The following ESCO1 variants were observed in gnomAD, a reference collection of about 807,000 sequenced individuals.
ESCO1 encodes the protein N-acetyltransferase ESCO1.
ESCO1 carries 33 observed loss-of-function variants against 83.5 expected under a neutral mutation model. That is an observed-to-expected ratio of 0.40 (90% confidence interval 0.30 to 0.53). The LOEUF is 0.53. ESCO1 is among the 20% of genes least tolerant of loss of function. The pLI, the probability that ESCO1 is intolerant of heterozygous loss-of-function variation, is 0.63. For synonymous variants in ESCO1, 332 were observed against 324.3 expected (o/e 1.02, Z -0.25); for missense variants, 855 against 968.0 (o/e 0.88, Z 1.55).
chr18:21,561,149 C>T (rs1389915261), intron 7 of ESCO1, among the ~76,000 whole-genome samples, 159 bp from the exon 8 acceptor site: 2 of 152,168 alleles, frequency 1.3e-5, no homozygotes, highest in African/African-American at 2.4e-5. Context: ...AATCTGAAAT[C>T]TGCATGTAAT....
Position 21,598,781 on chromosome 18 carries a change from C to T in ESCO1, c.-825+1842G>A, listed in dbSNP as rs201292375. The stretch of plus-strand genomic sequence containing the variant: ...GAAAGGTGAGACAATAGCATATTTT[C>T]CTCAGTTAGCAATGATAAAGGAGTT... On this transcript the variant is annotated intron_variant, in intron 1 of 11. Coordinates refer to ENST00000269214, the MANE Select transcript of ESCO1 (RefSeq NM_052911.3). 8.6e-4 allele frequency among the ~76,000 whole-genome samples: 130 copies of T among 151,962 alleles called. 1 individual carries two copies. The Middle Eastern group carries it at 0.014, about 16-fold the overall frequency.
chr18:21,596,631 A>C (rs2038771389), intron 1 of ESCO1, among the ~76,000 whole-genome samples: 1 of 152,036 alleles, frequency 6.6e-6, no homozygotes, highest in Non-Finnish European at 1.5e-5. Flanking sequence ...TCAGGAGTTC[A>C]AGACTAGCCT....
chr18:21,563,919 T>A (rs1257379126), intron 7 of ESCO1, among the ~76,000 whole-genome samples: 3 of 142,406 alleles, frequency 2.1e-5, no homozygotes, highest in South Asian at 4.5e-4. Flanking sequence ...TGAGCAGGGT[T>A]AAAAAAAAAA....
chr18:21,535,922 T>C, intron 10 of ESCO1, 120 bp downstream of exon 10: 1 of 1,202,050 alleles, frequency 8.3e-7, no homozygotes, highest in Non-Finnish European at 1.2e-6. Context: ...TGGGAATTCT[T>C]GCATTAAAAC....
At chr18:21,584,088 T>C (rs2038540768) in intron 2 of ESCO1, among the ~76,000 whole-genome samples, 1 of 152,154 alleles carries the variant, frequency 6.6e-6, no homozygotes, top group Non-Finnish European at 1.5e-5. Flanking sequence ...TAACTAATAA[T>C]AGTGATGATT....
intron 1 of ESCO1, among the ~76,000 whole-genome samples, chr18:21,585,921 A>C (rs184879439): frequency 2.7e-4 from 41 of 152,280 alleles, no homozygotes; most frequent in Non-Finnish European, 4.7e-4. Context: ...TTGATACATA[A>C]TGATTACACA....
chr18:21,541,296 A>G (rs1466389054), intron 8 of ESCO1, among the ~76,000 whole-genome samples: 2 of 152,110 alleles, frequency 1.3e-5, no homozygotes, highest in African/African-American at 4.8e-5. Context: ...CAACGTAAAT[A>G]AGGTTTTAAA....
chr18:21,569,844 C>A (rs569240851), intron 4 of ESCO1, among the ~76,000 whole-genome samples: 1 of 152,034 alleles, frequency 6.6e-6, no homozygotes, highest in South Asian at 2.1e-4. Context: ...AGCAAGACTC[C>A]GTCTCAAAAA....
In ESCO1 at chr18:21,597,778, T is replaced by C. The variant is rs2038787086; in HGVS notation, c.-825+2845A>G. 3.3e-5 allele frequency among the ~76,000 whole-genome samples: 5 copies of C among 152,184 alleles called. No homozygotes were observed. The South Asian group carries it at 1.0e-3, about 31-fold the overall frequency. Reference sequence around the variant, plus strand: ...TGTGTGAATCTTACACGTGCTGCCATAAATGTCTAAAGGAAGCTGAACAGA... The same window carrying C: ...TGTGTGAATCTTACACGTGCTGCCACAAATGTCTAAAGGAAGCTGAACAGA... On this transcript the variant is annotated intron_variant, in intron 1 of 11. Coordinates refer to ENST00000269214, the MANE Select transcript of ESCO1 (RefSeq NM_052911.3).
chr18:21,598,410 A>C (rs1568117865), intron 1 of ESCO1, among the ~76,000 whole-genome samples: 1 of 152,208 alleles, frequency 6.6e-6, no homozygotes. Context: ...ACATTAAAAA[A>C]ATTACTTGGC....
chr18:21,586,502 T>C (rs1003696487), intron 1 of ESCO1, among the ~76,000 whole-genome samples: 4 of 152,252 alleles, frequency 2.6e-5, no homozygotes, highest in African/African-American at 4.8e-5. Flanking sequence ...ATCTCTTCCA[T>C]ATACTGATTT....
chr18:21,579,627 C>G (rs1230092706), intron 2 of ESCO1, among the ~76,000 whole-genome samples: 1 of 149,628 alleles, frequency 6.7e-6, no homozygotes, highest in Non-Finnish European at 1.5e-5. Context: ...AAAAAATTAG[C>G]TGGGCATGGA....
In ESCO1 at chr18:21,538,901, A is replaced by G. The variant is rs375879989; in HGVS notation, c.2043+1019T>C. Among the ~76,000 whole-genome samples, 39 of 152,218 alleles carry G rather than the reference A, an allele frequency of 2.6e-4. No individual in the cohort carries two copies. The South Asian group carries it at 7.9e-3, about 31-fold the overall frequency. On this transcript the variant is annotated intron_variant, in intron 9 of 11. Coordinates refer to ENST00000269214, the MANE Select transcript of ESCO1 (RefSeq NM_052911.3). ...TATATTATTTGAAAGTGTAATGAAC[A>G]TATTAAACTTATTTAAAAATAAGTT...
At chr18:21,599,285 G>T (rs1478979676) in intron 1 of ESCO1, among the ~76,000 whole-genome samples, 1 of 152,234 alleles carries the variant, frequency 6.6e-6, no homozygotes, top group African/African-American at 2.4e-5. Context: ...CAAGGCTGCA[G>T]TGAACAGTGA....
intron 8 of ESCO1, among the ~76,000 whole-genome samples, chr18:21,546,789 C>G (rs1199069581): frequency 6.6e-6 from 1 of 152,164 alleles, no homozygotes; most frequent in Admixed American, 6.6e-5. Context: ...TCAAGTGATC[C>G]TCCCGCCCTG....
At chr18:21,600,459 C>G (rs2038828736) in intron 1 of ESCO1, among the ~76,000 whole-genome samples, 164 bp downstream of exon 1, 1 of 152,234 alleles carries the variant, frequency 6.6e-6, no homozygotes, top group Non-Finnish European at 1.5e-5. Context: ...CACCTCCCTC[C>G]CAGGGGCGCG....
At chr18:21,539,840 C>CT in intron 9 of ESCO1, 80 bp downstream of exon 9, 1 of 1,148,126 alleles carries the variant, frequency 8.7e-7, no homozygotes, top group Non-Finnish European at 1.3e-6. Flanking sequence ...AGAGCAAGAC[C>CT]CTGTCTCAGG....
At chr18:21,589,780 T>C (rs1426919443) in intron 1 of ESCO1, among the ~76,000 whole-genome samples, 1 of 152,066 alleles carries the variant, frequency 6.6e-6, no homozygotes, top group African/African-American at 2.4e-5. Context: ...CTCTCACACT[T>C]AAGGCCTTCA....
chr18:21,578,433 G>A (rs944181004), intron 2 of ESCO1, among the ~76,000 whole-genome samples: 1 of 152,014 alleles, frequency 6.6e-6, no homozygotes, highest in Non-Finnish European at 1.5e-5. Flanking sequence ...GAAAATTAGA[G>A]GACGAGCCAT....
Sources: gnomAD v4.1 joint callset for allele counts (sites outside exome capture counted in the v4.1 genomes callset) on GRCh38, gnomAD v4.1.1 for gene constraint, MANE v1.5 for transcripts, NCBI Gene and HGNC (gene_info 2026-07-23, HGNC 2026-07-21) for gene names.